The following MACROD2 variants were observed in gnomAD, a reference collection of about 807,000 sequenced individuals.
MACROD2 encodes the protein mono-ADP ribosylhydrolase 2.
In MACROD2, 36 loss-of-function variants were observed where a neutral mutation model predicts 70.4. The ratio of observed to expected loss-of-function variants is 0.51; its 90% CI spans 0.39 to 0.68. MACROD2 has a LOEUF of 0.68. MACROD2 is among the 30% of genes least tolerant of loss of function. The probability of loss-of-function intolerance (pLI) is 0.00; values close to 1 mark genes in which losing one functional copy is unlikely to be tolerated. For missense variants in MACROD2, 496 were observed against 538.4 expected (o/e 0.92, Z 0.78); for synonymous variants, 172 against 178.8 (o/e 0.96, Z 0.30).
rs535392006 is a variant in MACROD2 at position 14,326,023 on chromosome 20, A to G, written c.272-167456A>G. ...GGGTGCAGTTTCAGTCTCAATACAA[A>G]CAGGAGTTTCATCAAATAGGTAGAG... On this transcript the variant is annotated intron_variant, in intron 3 of 17. Coordinates refer to ENST00000684519, the MANE Select transcript of MACROD2 (RefSeq NM_001351661.2). The surrounding 1 kb of genome is among the most constrained non-coding windows in gnomAD (Gnocchi z 5.5). The G allele has an allele frequency of 5.6e-6, 9 of 1,613,874 alleles. No homozygotes were observed. In the East Asian group the frequency reaches 1.8e-4, roughly 32 times the overall value.
chr20:15,885,863 G>T lies in MACROD2; in HGVS notation c.775+52G>T, dbSNP rs755339465. ...GGGGGTAGGTAGGGGTCATTTTGTT[G>T]TTTATGTACACTTCATATTTTTTCA... On this transcript the variant is annotated intron_variant, in intron 10 of 17. Transcript: ENST00000684519. 2.6e-5 allele frequency: 38 copies of T among 1,453,458 alleles called. 1 individual carries two copies. Among genetic ancestry groups the T allele is most frequent in the Non-Finnish European group, 3.0e-5 (33 of 1,094,870 alleles). The allele number at this position is 1,453,458 out of a possible 1,614,324, so 90.0% of individuals were successfully genotyped here.
chr20:15,902,339 T>C (rs1466644629), intron 10 of MACROD2, among the ~76,000 whole-genome samples: 1 of 152,062 alleles, frequency 6.6e-6, no homozygotes, highest in Non-Finnish European at 1.5e-5. Flanking sequence ...TTGGGGCTTA[T>C]ATTCTATATA....
intron 2 of MACROD2, among the ~76,000 whole-genome samples, chr20:14,011,278 C>T (rs904574485): frequency 3.3e-5 from 5 of 152,072 alleles, no homozygotes; most frequent in Non-Finnish European, 7.4e-5. Context: ...TCTTGTACAA[C>T]CAAAAGACTG....
chr20:14,078,022 C>G (rs1241556407), intron 2 of MACROD2, among the ~76,000 whole-genome samples: 1 of 151,848 alleles, frequency 6.6e-6, no homozygotes, highest in African/African-American at 2.4e-5. Context: ...CCTGCCTCAG[C>G]CTCCCGAGTA....
At chr20:14,135,517 TA>T (rs2054783318) in intron 3 of MACROD2, among the ~76,000 whole-genome samples, 1 of 151,758 alleles carries the variant, frequency 6.6e-6, no homozygotes, top group African/African-American at 2.4e-5. Flanking sequence ...TTTTTTTTTT[TA>T]AATAAATTAG....
chr20:15,804,026 C>T (rs1288811972), intron 8 of MACROD2, among the ~76,000 whole-genome samples: 1 of 152,130 alleles, frequency 6.6e-6, no homozygotes, highest in Non-Finnish European at 1.5e-5. Context: ...TTAGAAGTTT[C>T]GAGTAGATGT....
intron 15 of MACROD2, among the ~76,000 whole-genome samples, chr20:16,033,911 C>T (rs189589940): frequency 6.6e-6 from 1 of 151,834 alleles, no homozygotes; most frequent in Non-Finnish European, 1.5e-5. Context: ...AAATCAAAGG[C>T]ATACTCAATG....
chr20:14,447,317 C>T (rs1436613658), intron 3 of MACROD2, among the ~76,000 whole-genome samples: 5 of 152,176 alleles, frequency 3.3e-5, no homozygotes, highest in Admixed American at 2.0e-4. Context: ...TGCGCCCAGC[C>T]GATGCAGATT....
chr20:15,905,472 T>G (rs939628975), intron 10 of MACROD2, among the ~76,000 whole-genome samples: 2 of 152,190 alleles, frequency 1.3e-5, no homozygotes, highest in Non-Finnish European at 2.9e-5. Context: ...AAACCAAGGA[T>G]GAAGAATGCA....
At chr20:15,139,131 A>AAT (rs1323633628) in intron 5 of MACROD2, among the ~76,000 whole-genome samples, 3 of 152,176 alleles carry the variant, frequency 2.0e-5, no homozygotes, top group African/African-American at 4.8e-5. Context: ...GGCCCCTGTG[A>AAT]ATATCATCTG....
At chr20:15,452,210 C>T (rs1750644946) in intron 7 of MACROD2, among the ~76,000 whole-genome samples, 1 of 152,134 alleles carries the variant, frequency 6.6e-6, no homozygotes, top group Non-Finnish European at 1.5e-5. Context: ...TATATACTTG[C>T]CCAGTCTCTG....
At chr20:14,527,022 G>C (rs1044696296) in intron 4 of MACROD2, among the ~76,000 whole-genome samples, 2 of 152,218 alleles carry the variant, frequency 1.3e-5, no homozygotes, top group African/African-American at 4.8e-5. Context: ...TTGAGTGGAA[G>C]TAGCTTTCAG....
chr20:14,828,733 G>A (rs1568819891), intron 5 of MACROD2, among the ~76,000 whole-genome samples: 1 of 152,104 alleles, frequency 6.6e-6, no homozygotes, highest in African/African-American at 2.4e-5. Context: ...AGGGGCAGGT[G>A]TAATGAGTTT....
intron 4 of MACROD2, among the ~76,000 whole-genome samples, chr20:14,534,888 C>A (rs1291325398): frequency 6.6e-6 from 1 of 151,480 alleles, no homozygotes; most frequent in Admixed American, 6.6e-5. Flanking sequence ...AGTTTTTGAA[C>A]AGAAAAATAA....
At chr20:16,018,795 T>G (rs1157639329) in intron 15 of MACROD2, among the ~76,000 whole-genome samples, 1 of 152,216 alleles carries the variant, frequency 6.6e-6, no homozygotes, top group Middle Eastern at 3.2e-3. Flanking sequence ...TTTCTTGTCT[T>G]GCAAGGAAAT....
intron 2 of MACROD2, among the ~76,000 whole-genome samples, chr20:14,084,085 A>AAC (rs2054041735): frequency 2.0e-5 from 3 of 148,300 alleles, no homozygotes; most frequent in Non-Finnish European, 3.0e-5. Context: ...AAACAAACAA[A>AAC]AAAAAACCTT....
chr20:14,161,462 A>G (rs577679833), intron 3 of MACROD2, among the ~76,000 whole-genome samples: 24 of 152,088 alleles, frequency 1.6e-4, no homozygotes, highest in African/African-American at 5.3e-4. Flanking sequence ...CTGGGATTAC[A>G]GGCATGAGCC....
intron 10 of MACROD2, among the ~76,000 whole-genome samples, chr20:15,908,340 A>G (rs900564612): frequency 3.9e-5 from 6 of 152,188 alleles, no homozygotes; most frequent in African/African-American, 1.4e-4. Flanking sequence ...CTCCACCTCC[A>G]GCTATTGCTT....
chr20:15,156,201 A>G (rs1412271293), intron 5 of MACROD2, among the ~76,000 whole-genome samples: 2 of 152,196 alleles, frequency 1.3e-5, no homozygotes, highest in Non-Finnish European at 2.9e-5. Context: ...GGCAAGAGAC[A>G]TCCTGGGTTG....
Sources: gnomAD v4.1 joint callset for allele counts (sites outside exome capture counted in the v4.1 genomes callset) on GRCh38, gnomAD v4.1.1 for gene constraint, Gnocchi (gnomAD v3.1) non-coding constraint, MANE v1.5 for transcripts, NCBI Gene and HGNC (gene_info 2026-07-23, HGNC 2026-07-21) for gene names.